The following DIS3L2 variants were observed in gnomAD, a reference collection of about 807,000 sequenced individuals.
DIS3L2 encodes DIS3-like exonuclease 2.
In DIS3L2, 34 loss-of-function variants were observed where a neutral mutation model predicts 97.5. That is an observed-to-expected ratio of 0.35 (90% confidence interval 0.27 to 0.46). The LOEUF is 0.46. DIS3L2 is among the 20% of genes least tolerant of loss of function. The probability of loss-of-function intolerance (pLI) is 1.00; values close to 1 mark genes in which losing one functional copy is unlikely to be tolerated. For synonymous variants in DIS3L2, 435 were observed against 445.2 expected, an observed-to-expected ratio of 0.98 and a Z score of 0.29; for missense variants, 1,038 against 1,146.0, an observed-to-expected ratio of 0.91 and a Z score of 1.36.
chr2:232,229,026 A>G (rs1267285731), intron 10 of DIS3L2, among the ~76,000 whole-genome samples: 12 of 152,204 alleles, frequency 7.9e-5, no homozygotes, highest in Non-Finnish European at 1.6e-4. Context: ...TCTAAAGATC[A>G]TCACTGAGGA....
chr2:232,144,946 A>G (rs1690178630), intron 8 of DIS3L2, among the ~76,000 whole-genome samples: 1 of 152,228 alleles, frequency 6.6e-6, no homozygotes, highest in South Asian at 2.1e-4. Flanking sequence ...ACATAATGTC[A>G]GTAAGTAATA....
intron 6 of DIS3L2, among the ~76,000 whole-genome samples, chr2:232,125,973 C>T (rs530863785): frequency 5.3e-5 from 8 of 152,314 alleles, no homozygotes; most frequent in Non-Finnish European, 1.0e-4. Context: ...GCATTCTTTT[C>T]ATTGAACTCT....
intron 8 of DIS3L2, among the ~76,000 whole-genome samples, chr2:232,156,452 G>A (rs937465503): frequency 3.3e-5 from 5 of 150,804 alleles, no homozygotes; most frequent in African/African-American, 1.2e-4. Context: ...TTGTCCTTCT[G>A]CCATTTCTTT....
chr2:232,187,200 A>G (rs182572642), intron 9 of DIS3L2, among the ~76,000 whole-genome samples: 14 of 152,270 alleles, frequency 9.2e-5, no homozygotes, highest in Admixed American at 3.3e-4. Flanking sequence ...CAAAACCACA[A>G]TGAGATACCA....
intron 10 of DIS3L2, among the ~76,000 whole-genome samples, chr2:232,227,005 A>C (rs752058835): frequency 5.9e-5 from 9 of 152,130 alleles, no homozygotes; most frequent in African/African-American, 1.7e-4. Flanking sequence ...AAAACAAAAA[A>C]AAACCCAGGA....
chr2:232,282,039 C>T (rs1694301181), intron 13 of DIS3L2, among the ~76,000 whole-genome samples: 1 of 151,184 alleles, frequency 6.6e-6, no homozygotes, highest in South Asian at 2.1e-4. Context: ...AGCCCAGAGG[C>T]TACTGTGGAG....
At chr2:232,213,639 C>T (rs1374183816) in intron 10 of DIS3L2, among the ~76,000 whole-genome samples, 5 of 125,176 alleles carry the variant, frequency 4.0e-5, no homozygotes, top group Admixed American at 8.0e-5. Context: ...AGTGTTTTCT[C>T]GGTCTATTTA....
intron 9 of DIS3L2, among the ~76,000 whole-genome samples, chr2:232,196,308 A>G (rs963602029): frequency 6.6e-6 from 1 of 152,128 alleles, no homozygotes; most frequent in Non-Finnish European, 1.5e-5. Context: ...CTTTATTTTC[A>G]GCAGCAAATT....
intron 10 of DIS3L2, among the ~76,000 whole-genome samples, chr2:232,222,076 G>A (rs1175038078): frequency 6.6e-6 from 1 of 151,766 alleles, no homozygotes; most frequent in African/African-American, 2.4e-5. Flanking sequence ...CTGAGTATCT[G>A]GGATTACAGG....
At chr2:232,225,227 C>A (rs1348669321) in intron 10 of DIS3L2, among the ~76,000 whole-genome samples, 12 of 152,118 alleles carry the variant, frequency 7.9e-5, no homozygotes, top group Admixed American at 7.9e-4. Flanking sequence ...CATGGCCCAG[C>A]AGTTTTAGTC....
At chr2:232,135,135 G>T (rs1455160315) in intron 7 of DIS3L2, among the ~76,000 whole-genome samples, 1 of 152,064 alleles carries the variant, frequency 6.6e-6, no homozygotes, top group Non-Finnish European at 1.5e-5. Context: ...AGAAGTGAAG[G>T]TTGCTGGCGT....
At position 232,318,743 on chromosome 2, in the gene DIS3L2, G is replaced by A. The variant is rs147976850; in HGVS notation, c.1740-11070G>A. ...AGAAGGTGACAGGACAGAGTCATGG[G>A]ACAAGAACCAGAGGGAAGAGGCCTG... On this transcript the variant is annotated intron_variant, in intron 14 of 20. Coordinates refer to ENST00000325385, the MANE Select transcript of DIS3L2 (RefSeq NM_152383.5). Among the ~76,000 whole-genome samples the A allele has an allele frequency of 2.8e-3, 421 of 152,288 alleles. 3 individuals carry two copies. Among genetic ancestry groups the A allele is most frequent in the Middle Eastern group, 0.01 (3 of 294 alleles).
chr2:232,329,785 T>TCCCGGGGGGGGGGGGC, intron 14 of DIS3L2, 28 bp from the exon 15 acceptor site: 1 of 967,144 alleles, frequency 1.0e-6, no homozygotes, highest in Non-Finnish European at 1.5e-6. Flanking sequence ...ACCCCAGCGG[T>TCCCGGGGGGGGGGGGC]CCCTCCCATC....
chr2:231,996,938 C>T (rs990656174), intron 1 of DIS3L2, among the ~76,000 whole-genome samples: 1 of 152,198 alleles, frequency 6.6e-6, no homozygotes, highest in African/African-American at 2.4e-5. Flanking sequence ...TAAAGGCTTT[C>T]CTGATGACTG....
chr2:231,990,105 A>G (rs1035421029), intron 1 of DIS3L2, among the ~76,000 whole-genome samples: 1 of 152,002 alleles, frequency 6.6e-6, no homozygotes, highest in Admixed American at 6.6e-5. Context: ...TTTCCACAAG[A>G]TCCTTTTATT....
intron 12 of DIS3L2, among the ~76,000 whole-genome samples, chr2:232,261,204 C>A (rs1346036038): frequency 6.6e-6 from 1 of 152,140 alleles, no homozygotes; most frequent in African/African-American, 2.4e-5. Flanking sequence ...GTCTCCTGCC[C>A]TTTCCTTCCT....
downstream of DIS3L2, chr2:232,343,343 A>G: frequency 1.3e-6 from 2 of 1,555,292 alleles, no homozygotes; most frequent in Non-Finnish European, 1.7e-6. Flanking sequence ...AAAAGGGCCC[A>G]GCAGAACGCA....
chr2:232,341,615 A>G (rs1362287393), downstream of DIS3L2, among the ~76,000 whole-genome samples: 2 of 152,220 alleles, frequency 1.3e-5, no homozygotes, highest in Non-Finnish European at 2.9e-5. Flanking sequence ...CGCTGTCCAC[A>G]TGCAGGGAAT....
Position 232,336,942 on chromosome 2 carries a change from T to G in DIS3L2, c.*312T>G. The G allele has an allele frequency of 8.4e-7, 1 of 1,196,544 alleles. No homozygotes were observed. The highest frequency in any genetic ancestry group is 1.0e-6 in the Non-Finnish European group (1 of 957,922). The allele number at this position is 1,196,544 out of a possible 1,614,324, so 74.1% of individuals were successfully genotyped here. A position where few individuals can be genotyped will look rare whatever the true frequency, so the allele number is the denominator to read the frequency against. ...CAGGAAATGGGGGGGTTTCAGCAAC[T>G]CAGTGTCACAGAATAAAATCAAGTG... On this transcript the variant is annotated 3_prime_UTR_variant, in exon 21 of 21. Transcript: ENST00000325385.
Sources: allele counts gnomAD v4.1 joint callset (sites outside exome capture counted in the v4.1 genomes callset), GRCh38; gene constraint gnomAD v4.1.1; transcripts MANE v1.5; gene names NCBI Gene and HGNC (gene_info 2026-07-23, HGNC 2026-07-21).